NETO2: variants seen among roughly 807,000 people sequenced by gnomAD.
The protein encoded by NETO2 is neuropilin and tolloid like 2.
NETO2 carries 28 observed loss-of-function variants against 62.5 expected under a neutral mutation model. The ratio of observed to expected loss-of-function variants is 0.45; its 90% CI spans 0.33 to 0.61. The LOEUF (loss-of-function observed/expected upper bound fraction) is 0.61. Among genes scored for constraint, NETO2 ranks in the 20% least tolerant of loss-of-function variants. The pLI is 0.02. For synonymous variants in NETO2, 214 were observed against 219.1 expected (o/e 0.98, Z 0.21); for missense variants, 548 against 643.2 (o/e 0.85, Z 1.60).
chr16:47,127,303 T>G (rs1172693192), intron 4 of NETO2, among the ~76,000 whole-genome samples: 2 of 152,218 alleles, frequency 1.3e-5, no homozygotes, highest in Non-Finnish European at 2.9e-5. Flanking sequence ...TTTACAGTTC[T>G]CAGAGTGTTC....
In NETO2 at chr16:47,132,763, T is replaced by C. The variant is rs559917941; in HGVS notation, c.35-738A>G. Among the ~76,000 whole-genome samples the C allele has an allele frequency of 6.9e-4, 105 of 152,320 alleles. 1 individual carries two copies. The highest frequency in any genetic ancestry group is 2.3e-3 in the African/African-American group (97 of 41,572). On this transcript the variant is annotated intron_variant, in intron 1 of 8. Transcript: ENST00000562435. ...GAACTGGAGTTATTCATTCAGTGAA[T>C]AGGCACTTACAGAGTATCCACTGAA... is the stretch of plus-strand genomic sequence containing the variant.
At chr16:47,089,366 A>C (rs1433381473) in intron 7 of NETO2, among the ~76,000 whole-genome samples, 1 of 152,202 alleles carries the variant, frequency 6.6e-6, no homozygotes, top group East Asian at 1.9e-4. Context: ...CCACATTTTA[A>C]GGTATTTAAC....
chr16:47,127,974 A>G (rs1964190202), intron 4 of NETO2, among the ~76,000 whole-genome samples: 1 of 152,196 alleles, frequency 6.6e-6, no homozygotes, highest in South Asian at 2.1e-4. Flanking sequence ...CATACAAAAC[A>G]ATTTTTGTGG....
At chr16:47,140,554 G>GA (rs1964441678) in intron 1 of NETO2, among the ~76,000 whole-genome samples, 1 of 152,134 alleles carries the variant, frequency 6.6e-6, no homozygotes, top group South Asian at 2.1e-4. Context: ...ATTTCAAAAT[G>GA]AAAGATAAAC....
intron 7 of NETO2, among the ~76,000 whole-genome samples, chr16:47,100,532 T>A (rs1963518771): frequency 6.7e-6 from 1 of 149,070 alleles, no homozygotes; most frequent in Non-Finnish European, 1.5e-5. Flanking sequence ...TTTGAAAAGA[T>A]TAACAAAATA....
At chr16:47,105,932 A>G (rs1160369560) in intron 7 of NETO2, among the ~76,000 whole-genome samples, 2 of 152,212 alleles carry the variant, frequency 1.3e-5, no homozygotes, top group African/African-American at 2.4e-5. Flanking sequence ...AAAAACTTAA[A>G]CACAGATTTC....
intron 8 of NETO2, among the ~76,000 whole-genome samples, chr16:47,085,380 C>T (rs1285734083): frequency 1.4e-5 from 2 of 145,902 alleles, no homozygotes; most frequent in Admixed American, 6.9e-5. Context: ...CCACGATATA[C>T]TTTTTTTTTT....
At chr16:47,112,894 C>T (rs1963829664) in intron 6 of NETO2, among the ~76,000 whole-genome samples, 1 of 152,168 alleles carries the variant, frequency 6.6e-6, no homozygotes, top group Non-Finnish European at 1.5e-5. Context: ...TTAAAGCACA[C>T]TTAATATTTT....
intron 7 of NETO2, 37 bp from the exon 8 acceptor site, chr16:47,086,376 A>G (rs1195262405): frequency 3.7e-6 from 5 of 1,353,446 alleles, no homozygotes; most frequent in Non-Finnish European, 1.1e-6. Flanking sequence ...AAGAGCAGGC[A>G]GACCACCTGA....
At chr16:47,119,150 C>G (rs894399921) in intron 6 of NETO2, among the ~76,000 whole-genome samples, 2 of 149,448 alleles carry the variant, frequency 1.3e-5, no homozygotes, top group Non-Finnish European at 3.0e-5. Flanking sequence ...ATGTTTTTTT[C>G]TTTTTCTTTT....
chr16:47,110,794 T>C (rs1963780422), intron 6 of NETO2, among the ~76,000 whole-genome samples: 3 of 152,052 alleles, frequency 2.0e-5, no homozygotes, highest in Admixed American at 2.0e-4. Context: ...AAAAATGTCA[T>C]GTCATATATT....
In NETO2 at chr16:47,094,451, A is replaced by C. The variant is rs1006060388; in HGVS notation, c.884-8112T>G. ...TATTTATTTATTTATTTAGAGACGG[A>C]GTCTTACTCTGTCACCCAGGCTGGA... is the stretch of plus-strand genomic sequence containing the variant. On this transcript the variant is annotated intron_variant, in intron 7 of 8. Coordinates refer to ENST00000562435, the MANE Select transcript of NETO2 (RefSeq NM_018092.5). Among the ~76,000 whole-genome samples the C allele has an allele frequency of 5.3e-5, 8 of 151,850 alleles. No homozygotes were observed. The South Asian group carries it at 6.2e-4, about 12-fold the overall frequency.
chr16:47,129,422 T>C, intron 2 of NETO2, 58 bp from the exon 3 acceptor site: 1 of 1,564,864 alleles, frequency 6.4e-7, no homozygotes, highest in Non-Finnish European at 8.8e-7. Flanking sequence ...CATTCTTCTC[T>C]TTCCCCCACC....
intron 1 of NETO2, among the ~76,000 whole-genome samples, chr16:47,138,874 C>T (rs374339100): frequency 3.9e-5 from 6 of 152,184 alleles, no homozygotes; most frequent in African/African-American, 9.7e-5. Context: ...GAACACAGGC[C>T]GCCTTCCCAT....
Position 47,083,744 on chromosome 16 carries a change from C to A in NETO2, c.1055G>T (p.Gly352Val), listed in dbSNP as rs202158130. ...GACCAAGACAATCCCTGAAGTAATG[C>A]CAATAATTGTTCCATGAGTCTTAGT... is the stretch of plus-strand genomic sequence containing the variant. ...QITKTHGTII[G>V]ITSGIVLVLL... Residue 352 changes from glycine (G) to valine (V), a missense_variant, in exon 9 of 9, where the codon GGC (glycine) becomes GTC (valine). Coordinates refer to ENST00000562435, the MANE Select transcript of NETO2 (RefSeq NM_018092.5). 6.2e-7 allele frequency: 1 copy of A among 1,612,892 alleles called. No homozygotes were observed. Among genetic ancestry groups the A allele is most frequent in the Non-Finnish European group, 8.5e-7 (1 of 1,178,992 alleles).
In NETO2 at chr16:47,129,315, A is replaced by G; in HGVS notation, c.141T>C (p.Ile47=). 1 of 1,614,028 alleles carries G rather than the reference A, an allele frequency of 6.2e-7. No homozygotes were observed. The highest frequency in any genetic ancestry group is 2.2e-5 in the East Asian group (1 of 44,876). ...IKHIPATQCG[I]WVRTSNGGHF... ...GACCTCCATTGCTGGTTCGAACCCA[A>G]ATGCCACACTGGGTTGCAGGAATAT... The change falls in exon 3 of 9, where the codon ATT becomes ATC. Residue 47 remains isoleucine, a synonymous_variant. Coordinates refer to ENST00000562435, the MANE Select transcript of NETO2 (RefSeq NM_018092.5).
intron 1 of NETO2, among the ~76,000 whole-genome samples, chr16:47,136,838 T>A (rs931321540): frequency 6.6e-6 from 1 of 151,746 alleles, no homozygotes; most frequent in Non-Finnish European, 1.5e-5. Context: ...AAACAAAAAA[T>A]AAATACTAGA....
intron 1 of NETO2, among the ~76,000 whole-genome samples, chr16:47,137,685 C>T (rs531366576): frequency 5.3e-5 from 8 of 152,302 alleles, no homozygotes; most frequent in Middle Eastern, 3.4e-3. Flanking sequence ...GAACCCTTTC[C>T]AGATTAATTT....
At position 47,122,749 on chromosome 16, in the gene NETO2, C is replaced by G. The variant is rs758100834; in HGVS notation, c.562G>C (p.Val188Leu). The change falls in exon 6 of 9, where the codon GTG (valine) becomes CTG (leucine). Residue 188 changes from valine to leucine, a missense_variant. By Grantham distance (32) the Val-to-Leu change is conservative (BLOSUM62 1). Coordinates refer to ENST00000562435, the MANE Select transcript of NETO2 (RefSeq NM_018092.5). ...QFELSGADGI[V>L]RSSQVEQEEK... The stretch of plus-strand genomic sequence containing the variant: ...TCTTGTTCTACCTGACTAGAGCGCA[C>G]TATTCCATCAGCTCCCGAGAGCTCG... The G allele has an allele frequency of 6.2e-7, 1 of 1,614,128 alleles. No individual in the cohort carries two copies. Among genetic ancestry groups the G allele is most frequent in the Non-Finnish European group, 8.5e-7 (1 of 1,180,030 alleles).
Sources: gnomAD v4.1 joint callset for allele counts (sites outside exome capture counted in the v4.1 genomes callset) on GRCh38, gnomAD v4.1.1 for gene constraint, MANE v1.5 for transcripts, NCBI Gene and HGNC (gene_info 2026-07-23, HGNC 2026-07-21) for gene names.